The following COL23A1 variants were observed in gnomAD, a reference collection of about 807,000 sequenced individuals.
The protein encoded by COL23A1 is collagen alpha-1(XXIII) chain.
COL23A1 carries 97 observed loss-of-function variants against 99.3 expected under a neutral mutation model. That is an observed-to-expected ratio of 0.98 (90% CI 0.83 to 1.16). COL23A1 has a LOEUF of 1.16. Among genes scored for constraint, COL23A1 ranks in the 50% most tolerant of loss-of-function variants. The pLI, the probability that COL23A1 is intolerant of heterozygous loss-of-function variation, is 0.00. For missense variants in COL23A1, 762 were observed against 757.4 expected, an observed-to-expected ratio of 1.01 and a Z score of -0.07; for synonymous variants, 320 against 308.2, an observed-to-expected ratio of 1.04 and a Z score of -0.40.
intron 2 of COL23A1, among the ~76,000 whole-genome samples, chr5:178,355,564 G>A (rs558611903): frequency 1.2e-4 from 19 of 152,206 alleles, no homozygotes; most frequent in East Asian, 5.8e-4. Flanking sequence ...ACAGAGTCTT[G>A]CTCTGTTGCC....
chr5:178,555,038 G>A (rs1007384829), intron 2 of COL23A1, among the ~76,000 whole-genome samples: 7 of 152,214 alleles, frequency 4.6e-5, no homozygotes, highest in Admixed American at 2.0e-4. Context: ...CAGACTGTGC[G>A]GCTTAAAACA....
At chr5:178,318,774 C>T (rs562823343) in intron 2 of COL23A1, among the ~76,000 whole-genome samples, 157 of 152,128 alleles carry the variant, frequency 1.0e-3, no homozygotes, top group African/African-American at 3.3e-3. Context: ...TGGTGGCGGG[C>T]GCCTGTAACT....
rs535855033 is a variant in COL23A1 at position 178,473,059 on chromosome 5, G to A, written c.361+87623C>T. Among the ~76,000 whole-genome samples, 350 of 148,632 alleles carry A rather than the reference G, an allele frequency of 2.4e-3. 2 individuals are homozygous for A. The highest frequency in any genetic ancestry group is 4.0e-3 in the Admixed American group (58 of 14,648). On this transcript the variant is annotated intron_variant, in intron 2 of 28. Transcript: ENST00000390654. ...GATCGCTTGAGCCCAGGAGGTCAAG[G>A]CTGCAGTGAGCTGTGACTGTGCCAC...
chr5:178,445,396 T>C (rs534249097), intron 2 of COL23A1, among the ~76,000 whole-genome samples: 5 of 152,356 alleles, frequency 3.3e-5, no homozygotes, highest in African/African-American at 1.2e-4. Flanking sequence ...TCAGATGCCC[T>C]AAGTGTCTCT....
Position 178,255,822 on chromosome 5 carries a change from T to C in COL23A1, c.882+531A>G, listed in dbSNP as rs542069667. 3.0e-5 allele frequency: 12 copies of C among 400,632 alleles called. No homozygotes were observed. The highest frequency in any genetic ancestry group is 1.3e-4 in the Admixed American group (5 of 38,108). 24.8% of individuals were successfully genotyped at this position (400,632 alleles called of 1,614,324 possible). Reference sequence around the variant, plus strand: ...AGGCGGGGGCTCAGATCCATTTTTTTTGGAGGAAGAAGCCAGCCTCTGGGA... The same window carrying C: ...AGGCGGGGGCTCAGATCCATTTTTTCTGGAGGAAGAAGCCAGCCTCTGGGA... On this transcript the variant is annotated intron_variant, in intron 15 of 28. Coordinates refer to ENST00000390654, the MANE Select transcript of COL23A1 (RefSeq NM_173465.4). The surrounding 1 kb of genome is among the most constrained non-coding windows in gnomAD (Gnocchi z 4.2).
At chr5:178,523,181 C>CACATATAT (rs1760070072) in intron 2 of COL23A1, among the ~76,000 whole-genome samples, 2 of 90,448 alleles carry the variant, frequency 2.2e-5, no homozygotes, top group Non-Finnish European at 4.4e-5. Context: ...TATATATACA[C>CACATATAT]ATATATATAT....
chr5:178,371,842 C>T (rs1762816688), intron 2 of COL23A1, among the ~76,000 whole-genome samples: 1 of 152,246 alleles, frequency 6.6e-6, no homozygotes, highest in Admixed American at 6.5e-5. Flanking sequence ...TGTTTCTAAG[C>T]ATTCATTTTC....
intron 2 of COL23A1, among the ~76,000 whole-genome samples, chr5:178,472,592 G>C (rs1321532606): frequency 6.6e-6 from 1 of 152,116 alleles, no homozygotes; most frequent in African/African-American, 2.4e-5. Flanking sequence ...GCATCCATGG[G>C]TGCCAGGTGC....
rs1310212902 is a variant in COL23A1 at position 178,544,358 on chromosome 5, G to A, written c.361+16324C>T. On this transcript the variant is annotated intron_variant, in intron 2 of 28. Coordinates refer to ENST00000390654, the MANE Select transcript of COL23A1 (RefSeq NM_173465.4). This position sits in a 1 kb window ranked among gnomAD's most constrained non-coding sequence, Gnocchi z 4.4. ...GCGGGGAAGGCAAGTCGGCGGATGC[G>A]CACTTCAGGGAGGACGCAGGCGCAG... Among the ~76,000 whole-genome samples the A allele has an allele frequency of 6.6e-6, 1 of 152,162 alleles. No individual in the cohort carries two copies. The highest frequency in any genetic ancestry group is 1.5e-5 in the Non-Finnish European group (1 of 68,024).
intron 2 of COL23A1, among the ~76,000 whole-genome samples, chr5:178,358,904 G>A (rs1193367308): frequency 6.6e-6 from 1 of 152,134 alleles, no homozygotes; most frequent in African/African-American, 2.4e-5. Flanking sequence ...AAAAATAAAG[G>A]GAGAAAATGA....
chr5:178,346,615 C>T (rs1760987964), intron 2 of COL23A1, among the ~76,000 whole-genome samples: 1 of 152,158 alleles, frequency 6.6e-6, no homozygotes, highest in South Asian at 2.1e-4. Flanking sequence ...ATGTATGCCC[C>T]TTCACATACT....
At chr5:178,267,825 C>G (rs1186815524) in intron 7 of COL23A1, among the ~76,000 whole-genome samples, 1 of 152,216 alleles carries the variant, frequency 6.6e-6, no homozygotes, top group Non-Finnish European at 1.5e-5. Flanking sequence ...AGGACACCTG[C>G]CAACTGCACT....
chr5:178,475,833 G>A (rs917845591), intron 2 of COL23A1, among the ~76,000 whole-genome samples: 22 of 152,032 alleles, frequency 1.4e-4, no homozygotes, highest in African/African-American at 5.3e-4. Flanking sequence ...GTTGGCTGGG[G>A]GCCACTCATA....
intron 2 of COL23A1, among the ~76,000 whole-genome samples, chr5:178,463,495 C>G (rs952708931): frequency 6.6e-6 from 1 of 152,104 alleles, no homozygotes; most frequent in Admixed American, 6.5e-5. Flanking sequence ...ACAATAATCA[C>G]GATAATAGGA....
intron 2 of COL23A1, among the ~76,000 whole-genome samples, chr5:178,459,111 C>T (rs10051479): frequency 0.45 from 68,005 of 152,058 alleles, 16,174 homozygotes; most frequent in Admixed American, 0.58. Flanking sequence ...GGAACCTTGA[C>T]TGGATCCTGA....
chr5:178,245,416 T>C (rs987781188), intron 25 of COL23A1, among the ~76,000 whole-genome samples: 6 of 148,826 alleles, frequency 4.0e-5, no homozygotes, highest in Non-Finnish European at 8.9e-5. Context: ...GATGAGTCCA[T>C]TCAATCCTCC....
At chr5:178,299,761 C>T (rs1378685066) in intron 3 of COL23A1, among the ~76,000 whole-genome samples, 1 of 140,758 alleles carries the variant, frequency 7.1e-6, no homozygotes, top group Admixed American at 6.8e-5. Flanking sequence ...TATTTATTTA[C>T]TTATTTATTT....
At chr5:178,416,834 A>G (rs1765338480) in intron 2 of COL23A1, among the ~76,000 whole-genome samples, 1 of 150,898 alleles carries the variant, frequency 6.6e-6, no homozygotes, top group African/African-American at 2.4e-5. Flanking sequence ...GCATTCTCAG[A>G]TGGAGAGCAT....
At chr5:178,555,333 T>A (rs773407062) in intron 2 of COL23A1, among the ~76,000 whole-genome samples, 2 of 151,970 alleles carry the variant, frequency 1.3e-5, no homozygotes, top group Non-Finnish European at 2.9e-5. Flanking sequence ...CCCATAACAC[T>A]CCCCATGCCC....
Sources: gnomAD v4.1 joint callset for allele counts (sites outside exome capture counted in the v4.1 genomes callset) on GRCh38, gnomAD v4.1.1 for gene constraint, Gnocchi (gnomAD v3.1) non-coding constraint, MANE v1.5 for transcripts, NCBI Gene and HGNC (gene_info 2026-07-23, HGNC 2026-07-21) for gene names.